Variants in UNC5D observed in about 807,000 individuals in gnomAD.
UNC5D encodes the protein unc-5 netrin receptor D.
In UNC5D, 39 loss-of-function variants were observed where a neutral mutation model predicts 105.4. The observed-to-expected ratio is 0.37, with a 90% CI of 0.29 to 0.48. The LOEUF (loss-of-function observed/expected upper bound fraction) is 0.48. UNC5D is among the 20% of genes least tolerant of loss of function. The probability of loss-of-function intolerance (pLI) is 0.98; values close to 1 mark genes in which losing one functional copy is unlikely to be tolerated. For synonymous variants in UNC5D, 452 were observed against 450.4 expected (o/e 1.00, Z -0.04); for missense variants, 991 against 1,202.4 (o/e 0.82, Z 2.60).
intron 1 of UNC5D, among the ~76,000 whole-genome samples, chr8:35,280,553 G>A (rs1806077855): frequency 2.6e-5 from 4 of 152,084 alleles, no homozygotes; most frequent in Admixed American, 1.3e-4. Context: ...ATTGTTGGTG[G>A]GGTCGTTAAT....
At chr8:35,469,181 C>T (rs1313076068) in intron 1 of UNC5D, among the ~76,000 whole-genome samples, 1 of 152,186 alleles carries the variant, frequency 6.6e-6, no homozygotes, top group Non-Finnish European at 1.5e-5. Flanking sequence ...GTAAAAACTT[C>T]TCCTTATCAG....
intron 11 of UNC5D, among the ~76,000 whole-genome samples, chr8:35,747,006 C>G (rs1367282040): frequency 2.0e-5 from 3 of 152,196 alleles, no homozygotes; most frequent in Admixed American, 1.3e-4. Flanking sequence ...CAGTCCCGCT[C>G]TCCTTGCCTC....
At chr8:35,736,278 G>C (rs1345197391) in intron 11 of UNC5D, among the ~76,000 whole-genome samples, 2 of 152,172 alleles carry the variant, frequency 1.3e-5, no homozygotes, top group Non-Finnish European at 2.9e-5. Flanking sequence ...GGCTGGGGTG[G>C]GAGGATGGCT....
At chr8:35,341,258 C>A (rs185016570) in intron 1 of UNC5D, among the ~76,000 whole-genome samples, 1 of 152,198 alleles carries the variant, frequency 6.6e-6, no homozygotes, top group East Asian at 1.9e-4. Flanking sequence ...ATTTAGGACA[C>A]TTGTCACTCA....
intron 1 of UNC5D, among the ~76,000 whole-genome samples, chr8:35,350,522 A>G (rs1031681277): frequency 3.3e-5 from 5 of 152,032 alleles, no homozygotes; most frequent in African/African-American, 1.2e-4. Context: ...GTACTATTCA[A>G]CGATATATTT....
intron 10 of UNC5D, among the ~76,000 whole-genome samples, chr8:35,729,362 C>T (rs1431902274): frequency 6.6e-6 from 1 of 152,070 alleles, no homozygotes; most frequent in Non-Finnish European, 1.5e-5. Flanking sequence ...AATCCTATTT[C>T]GTTTATATCT....
intron 1 of UNC5D, among the ~76,000 whole-genome samples, chr8:35,447,214 T>C (rs10105217): frequency 0.047 from 7,145 of 152,238 alleles, 187 homozygotes; most frequent in African/African-American, 0.065. Flanking sequence ...CAGTATTTTG[T>C]AGATGTACAA....
At chr8:35,276,148 C>A (rs987487698) in intron 1 of UNC5D, among the ~76,000 whole-genome samples, 1 of 152,148 alleles carries the variant, frequency 6.6e-6, no homozygotes, top group Admixed American at 6.5e-5. Context: ...TTGAAATCCT[C>A]AGAATAAATT....
At position 35,745,939 on chromosome 8, in the gene UNC5D, GA is replaced by G. The variant is rs1829981088; in HGVS notation, c.1767-2585del. 2.0e-5 allele frequency among the ~76,000 whole-genome samples: 3 copies of G among 152,162 alleles called. No homozygotes were observed. In the South Asian group the frequency reaches 6.2e-4, roughly 32 times the overall value. On this transcript the variant is annotated intron_variant, in intron 11 of 16. Coordinates refer to ENST00000404895, the MANE Select transcript of UNC5D (RefSeq NM_080872.4). Reference sequence around the variant, plus strand: ...CCTTGTTGTGGATTATGCAATGTGGGAAAGCTTAAATGCCATCTATGATTTC... The same window carrying G: ...CCTTGTTGTGGATTATGCAATGTGGGAAGCTTAAATGCCATCTATGATTTC...
At chr8:35,531,033 G>T (rs1266991309) in intron 1 of UNC5D, among the ~76,000 whole-genome samples, 7 of 150,840 alleles carry the variant, frequency 4.6e-5, no homozygotes, top group African/African-American at 1.7e-4. Flanking sequence ...GGTTTTTTGT[G>T]TCTCTATTTC....
At chr8:35,341,029 C>A (rs1811419046) in intron 1 of UNC5D, among the ~76,000 whole-genome samples, 1 of 152,216 alleles carries the variant, frequency 6.6e-6, no homozygotes, top group South Asian at 2.1e-4. Context: ...TAGGAACATA[C>A]CCTGCCCTGT....
At position 35,474,454 on chromosome 8, in the gene UNC5D, A is replaced by T. The variant is rs78140149; in HGVS notation, c.104-74838A>T. Among the ~76,000 whole-genome samples the T allele has an allele frequency of 3.5e-4, 53 of 152,356 alleles. No individual in the cohort carries two copies. The East Asian group carries it at 0.01, about 29-fold the overall frequency. On this transcript the variant is annotated intron_variant, in intron 1 of 16. Coordinates refer to ENST00000404895, the MANE Select transcript of UNC5D (RefSeq NM_080872.4). The stretch of plus-strand genomic sequence containing the variant: ...GAGAGGTGGACTGTAGAAATATGAG[A>T]AAAAGACCATTTGAGATACGATGTA...
At chr8:35,653,313 C>A (rs1205303158) in intron 4 of UNC5D, among the ~76,000 whole-genome samples, 2 of 152,102 alleles carry the variant, frequency 1.3e-5, no homozygotes, top group Admixed American at 1.3e-4. Flanking sequence ...TAAATTTCAA[C>A]TATTTTTCAA....
chr8:35,238,857 G>A (rs555841292), intron 1 of UNC5D, among the ~76,000 whole-genome samples: 9 of 152,152 alleles, frequency 5.9e-5, no homozygotes, highest in Admixed American at 2.0e-4. Flanking sequence ...ACTTAAATCC[G>A]TCTATCTGTC....
intron 4 of UNC5D, among the ~76,000 whole-genome samples, chr8:35,624,624 A>G (rs1488458949): frequency 6.6e-6 from 1 of 152,114 alleles, no homozygotes. Flanking sequence ...TAATGTCCAT[A>G]CCTCTGTCTT....
At chr8:35,459,586 G>T (rs1421945981) in intron 1 of UNC5D, among the ~76,000 whole-genome samples, 1 of 152,160 alleles carries the variant, frequency 6.6e-6, no homozygotes, top group African/African-American at 2.4e-5. Context: ...AGACAGGGAA[G>T]AATTAAGAAG....
At chr8:35,512,493 T>TTC (rs1812792809) in intron 1 of UNC5D, among the ~76,000 whole-genome samples, 5 of 118,298 alleles carry the variant, frequency 4.2e-5, no homozygotes, top group African/African-American at 1.7e-4. Context: ...TATATATATA[T>TTC]ATATATATAT....
Position 35,485,500 on chromosome 8 carries a change from T to C in UNC5D, c.104-63792T>C, listed in dbSNP as rs1028292326. The stretch of plus-strand genomic sequence containing the variant: ...TAGATTGGTAATTATTATTCCATGA[T>C]ATGGTGGTGCAAACTGAAGCACAGA... On this transcript the variant is annotated intron_variant, in intron 1 of 16. Transcript: ENST00000404895. Among the ~76,000 whole-genome samples the C allele has an allele frequency of 5.2e-4, 79 of 152,318 alleles. 1 individual carries two copies. The highest frequency in any genetic ancestry group is 1.8e-3 in the African/African-American group (75 of 41,578).
intron 13 of UNC5D, among the ~76,000 whole-genome samples, chr8:35,754,434 C>T (rs1830422742): frequency 6.6e-6 from 1 of 152,204 alleles, no homozygotes; most frequent in Non-Finnish European, 1.5e-5. Flanking sequence ...ATGTGCCCAA[C>T]TCTAACTGTG....
Sources: allele counts gnomAD v4.1 joint callset (sites outside exome capture counted in the v4.1 genomes callset), GRCh38; gene constraint gnomAD v4.1.1; transcripts MANE v1.5; gene names NCBI Gene and HGNC (gene_info 2026-07-23, HGNC 2026-07-21).